The following SFXN4 variants were observed in gnomAD, a reference collection of about 807,000 sequenced individuals.
SFXN4 encodes the protein sideroflexin-4.
In SFXN4, 48 loss-of-function variants were observed where a neutral mutation model predicts 54.6. The observed-to-expected ratio is 0.88, with a 90% CI of 0.70 to 1.12. SFXN4 has a LOEUF of 1.12. Among genes scored for constraint, SFXN4 ranks in the 50% most tolerant of loss-of-function variants. The pLI is 0.00. For synonymous variants in SFXN4, 130 were observed against 145.5 expected (o/e 0.89, Z 0.77); for missense variants, 383 against 409.2 (o/e 0.94, Z 0.55).
intron 11 of SFXN4, among the ~76,000 whole-genome samples, chr10:119,150,092 T>C (rs866830674): frequency 2.2e-4 from 34 of 152,118 alleles, no homozygotes; most frequent in African/African-American, 7.7e-4. Flanking sequence ...AGGGAAGTGA[T>C]AGAAGAATGC....
chr10:119,147,228 G>A (rs759914729), intron 12 of SFXN4, among the ~76,000 whole-genome samples: 8 of 152,154 alleles, frequency 5.3e-5, no homozygotes, highest in Non-Finnish European at 8.8e-5. Context: ...ATCCTTGCCC[G>A]TTCCGGCCCT....
intron 13 of SFXN4, among the ~76,000 whole-genome samples, chr10:119,142,725 AATT>A (rs1846593346): frequency 1.4e-5 from 1 of 70,696 alleles, no homozygotes; most frequent in African/African-American, 6.3e-5. Flanking sequence ...TAATGTTTTG[AATT>A]TTTTTTTTTT....
chr10:119,157,430 CAAA>C (rs35373900), intron 9 of SFXN4, among the ~76,000 whole-genome samples: 15 of 116,086 alleles, frequency 1.3e-4, no homozygotes, highest in Non-Finnish European at 1.6e-4. Context: ...GACTGTGTCT[CAAA>C]AAAAAAAAAA....
chr10:119,150,513 C>T (rs998030016), intron 11 of SFXN4, among the ~76,000 whole-genome samples: 11 of 151,840 alleles, frequency 7.2e-5, no homozygotes, highest in African/African-American at 2.4e-4. Flanking sequence ...CCCATCTCTA[C>T]AAACTTTTTT....
At chr10:119,156,615 G>A in intron 10 of SFXN4, 63 bp downstream of exon 10, 1 of 1,301,198 alleles carries the variant, frequency 7.7e-7, no homozygotes, top group Non-Finnish European at 1.1e-6. Flanking sequence ...TGGAGATGAA[G>A]GAAGGCTCAC....
chr10:119,143,705 G>A (rs1846657747), intron 13 of SFXN4, among the ~76,000 whole-genome samples: 1 of 151,952 alleles, frequency 6.6e-6, no homozygotes, highest in African/African-American at 2.4e-5. Context: ...TTGAACGCCG[G>A]GGCTCAAGTG....
intron 11 of SFXN4, among the ~76,000 whole-genome samples, chr10:119,149,108 A>G (rs938473107): frequency 5.3e-5 from 8 of 152,024 alleles, no homozygotes; most frequent in African/African-American, 1.9e-4. Flanking sequence ...GCTGGTCCCG[A>G]CTTCCTGGCC....
At chr10:119,141,382 TAAAA>T (rs1429364087) in intron 13 of SFXN4, 63 bp from the exon 14 acceptor site, 8 of 1,034,320 alleles carry the variant, frequency 7.7e-6, no homozygotes, top group Non-Finnish European at 1.2e-5. Flanking sequence ...GAAGCCAAGT[TAAAA>T]AAATCATTTT....
chr10:119,165,378 T>G, intron 1 of SFXN4, 159 bp downstream of exon 1: 2 of 1,320,586 alleles, frequency 1.5e-6, no homozygotes, highest in Non-Finnish European at 1.9e-6. Context: ...CCCTAAGGGG[T>G]GAAGGCCGGT....
chr10:119,143,209 C>T (rs1366204875), intron 13 of SFXN4, among the ~76,000 whole-genome samples: 1 of 152,164 alleles, frequency 6.6e-6, no homozygotes, highest in African/African-American at 2.4e-5. Context: ...CACCTGGCCC[C>T]CAGCATCCTG....
At chr10:119,144,662 G>A (rs1051206344) in intron 13 of SFXN4, among the ~76,000 whole-genome samples, 4 of 152,094 alleles carry the variant, frequency 2.6e-5, no homozygotes, top group Non-Finnish European at 4.4e-5. Context: ...TAAGCAAGTT[G>A]ACCAAGGTCA....
chr10:119,164,267 G>GTTTTT, intron 1 of SFXN4, 71 bp from the exon 2 acceptor site: 4 of 550,462 alleles, frequency 7.3e-6, no homozygotes, highest in Non-Finnish European at 8.1e-6. Flanking sequence ...CTAACAGTTG[G>GTTTTT]CTTTTTTTTT....
rs748259724 is a variant in SFXN4, at chr10:119,146,368, G to C, written c.819-15C>G. 4.0e-6 allele frequency: 6 copies of C among 1,489,700 alleles called. No individual in the cohort carries two copies. Among genetic ancestry groups the C allele is most frequent in the Non-Finnish European group, 5.6e-6 (6 of 1,068,948 alleles). The allele number at this position is 1,489,700 out of a possible 1,614,324, so 92.3% of individuals were successfully genotyped here. A position where few individuals can be genotyped will look rare whatever the true frequency, so the allele number is the denominator to read the frequency against. ...AATACTGGGTCCTGTAAGAGACAAGGCATGGCTCACAAGTGATGTTAAACT... is the reference window on the plus strand; with the variant it reads ...AATACTGGGTCCTGTAAGAGACAAGCCATGGCTCACAAGTGATGTTAAACT... On this transcript the variant is annotated splice_polypyrimidine_tract_variant and intron_variant, in intron 12 of 13. Transcript: ENST00000355697.
chr10:119,151,672 T>C (rs1192114807), intron 11 of SFXN4, among the ~76,000 whole-genome samples: 1 of 151,794 alleles, frequency 6.6e-6, no homozygotes, highest in South Asian at 2.1e-4. Context: ...TGAGCCACCA[T>C]GCCCGGCTAA....
chr10:119,159,078 G>A (rs1387766960), intron 6 of SFXN4, among the ~76,000 whole-genome samples: 3 of 152,048 alleles, frequency 2.0e-5, no homozygotes, highest in Non-Finnish European at 4.4e-5. Flanking sequence ...TCAGGAATTC[G>A]AGACCAGCCT....
chr10:119,163,989 G>A (rs530944937), intron 2 of SFXN4, 142 bp downstream of exon 2: 6 of 598,052 alleles, frequency 1.0e-5, no homozygotes, highest in Admixed American at 3.4e-5. Flanking sequence ...CTTGTGAGCC[G>A]AGATGGTGCC....
chr10:119,158,072 A>G lies in SFXN4; in HGVS notation c.361-10T>C, dbSNP rs377103006. On this transcript the variant is annotated splice_polypyrimidine_tract_variant and intron_variant, in intron 6 of 13. Coordinates refer to ENST00000355697, the MANE Select transcript of SFXN4 (RefSeq NM_213649.2). ...TCATTGACAAAAATACCTTTTAAGAAGACAGTGGAACAGAGTTACAAGTGT... is the reference window on the plus strand; with the variant it reads ...TCATTGACAAAAATACCTTTTAAGAGGACAGTGGAACAGAGTTACAAGTGT... 6.2e-7 allele frequency: 1 copy of G among 1,613,510 alleles called. No individual in the cohort carries two copies. Among genetic ancestry groups the G allele is most frequent in the Admixed American group, 1.7e-5 (1 of 60,008 alleles).
intron 11 of SFXN4, among the ~76,000 whole-genome samples, chr10:119,152,356 T>G (rs1847107768): frequency 6.6e-6 from 1 of 151,892 alleles, no homozygotes; most frequent in Admixed American, 6.6e-5. Context: ...TTCGGCTCAC[T>G]GCAACCTCCA....
At chr10:119,141,348 C>A in intron 13 of SFXN4, 29 bp from the exon 14 acceptor site, 1 of 1,397,702 alleles carries the variant, frequency 7.2e-7, no homozygotes, top group South Asian at 1.3e-5. Context: ...CATAATGTTT[C>A]TATTAATAGT....
Sources: gnomAD v4.1 joint callset for allele counts (sites outside exome capture counted in the v4.1 genomes callset) on GRCh38, gnomAD v4.1.1 for gene constraint, MANE v1.5 for transcripts, NCBI Gene and HGNC (gene_info 2026-07-23, HGNC 2026-07-21) for gene names.